SLC1A3: variants seen among roughly 807,000 people sequenced by gnomAD.
SLC1A3 encodes solute carrier family 1 member 3, also known as excitatory amino acid transporter 1.
Under a neutral mutation model 48.1 loss-of-function variants are expected in SLC1A3, and 21 were observed. The observed-to-expected ratio is 0.44, with a 90% confidence interval of 0.31 to 0.63. The LOEUF (loss-of-function observed/expected upper bound fraction) is 0.63, where lower values mean the gene tolerates loss of function less well. Among genes scored for constraint, SLC1A3 ranks in the 20% least tolerant of loss-of-function variants. SLC1A3 has a pLI of 0.08. For synonymous variants in SLC1A3, 239 were observed against 251.4 expected, an observed-to-expected ratio of 0.95 and a Z score of 0.47; for missense variants, 546 against 689.0, an observed-to-expected ratio of 0.79 and a Z score of 2.32.
At position 36,597,233 on chromosome 5, in the gene SLC1A3, C is replaced by CTTTTTTTTTTTT. The variant is rs70976237; in HGVS notation, c.-96+575_-96+586dup. ...CACACCGAAAACTTCTTCTTCCTTTCTTTTTTTTTTTTTTTTTTTTTTTTT... is the reference window on the plus strand; with the variant it reads ...CACACCGAAAACTTCTTCTTCCTTTCTTTTTTTTTTTTTTTTTTTTTTTTTTTTTTTTTTTTT... On this transcript the variant is annotated intron_variant, in intron 1 of 9. Transcript: ENST00000680318. Among the ~76,000 whole-genome samples the CTTTTTTTTTTTT allele has an allele frequency of 1.5e-3, 71 of 46,088 alleles. 19 individuals carry two copies. The highest frequency in any genetic ancestry group is 4.9e-3 in the African/African-American group (51 of 10,458). 30.2% of individuals were successfully genotyped at this position (46,088 alleles called of 152,430 possible).
At chr5:36,672,745 G>A (rs1032734839) in intron 4 of SLC1A3, among the ~76,000 whole-genome samples, 4 of 152,068 alleles carry the variant, frequency 2.6e-5, no homozygotes, top group Non-Finnish European at 4.4e-5. Context: ...TCCTTTTTCA[G>A]GGAGTTAATC....
chr5:36,686,746 G>A lies in SLC1A3; in HGVS notation c.*477G>A, dbSNP rs988856977. The A allele has an allele frequency of 4.0e-6, 1 of 248,388 alleles. No homozygotes were observed. The highest frequency in any genetic ancestry group is 2.3e-5 in the African/African-American group (1 of 42,812). 15.4% of individuals were successfully genotyped at this position (248,388 alleles called of 1,614,324 possible). A position where few individuals can be genotyped will look rare whatever the true frequency, so the allele number is the denominator to read the frequency against. ...GTAAGATTTTATCCCTTTCTCTTCT[G>A]ACTGGTATACCTATTTCATTAGTAG... is the stretch of plus-strand genomic sequence containing the variant. On this transcript the variant is annotated 3_prime_UTR_variant, in exon 10 of 10. Coordinates refer to ENST00000265113, the MANE Select transcript of SLC1A3 (RefSeq NM_004172.5).
At chr5:36,597,233 C>CTTTTTTTTTT (rs70976237) in intron 1 of SLC1A3, among the ~76,000 whole-genome samples, 542 of 46,132 alleles carry the variant, frequency 0.012, 140 homozygotes, top group African/African-American at 0.036. Context: ...TTCTTCCTTT[C>CTTTTTTTTTT]TTTTTTTTTT....
At chr5:36,679,272 C>T (rs1742334160) in intron 6 of SLC1A3, among the ~76,000 whole-genome samples, 1 of 151,480 alleles carries the variant, frequency 6.6e-6, no homozygotes, top group Non-Finnish European at 1.5e-5. Flanking sequence ...AGAAAAGTGA[C>T]CCCCATGTAG....
At chr5:36,683,434 C>T (rs955463935) in intron 8 of SLC1A3, among the ~76,000 whole-genome samples, 2 of 151,736 alleles carry the variant, frequency 1.3e-5, no homozygotes, top group Non-Finnish European at 2.9e-5. Flanking sequence ...ACGGGCCAGG[C>T]ATGATGGCTC....
upstream of SLC1A3, among the ~76,000 whole-genome samples, chr5:36,601,598 T>G (rs147629966): frequency 2.4e-3 from 359 of 152,256 alleles, 2 homozygotes; most frequent in African/African-American, 8.3e-3. Flanking sequence ...CTTGACTTCC[T>G]CATTCATCCT....
intron 3 of SLC1A3, among the ~76,000 whole-genome samples, chr5:36,653,447 C>A (rs532175845): frequency 7.9e-5 from 12 of 152,344 alleles, no homozygotes; most frequent in African/African-American, 2.9e-4. Flanking sequence ...TCTGACAACA[C>A]CACTACTAAA....
chr5:36,604,339 G>GAA (rs5867330), upstream of SLC1A3, among the ~76,000 whole-genome samples: 12 of 150,398 alleles, frequency 8.0e-5, no homozygotes, highest in African/African-American at 2.4e-4. Context: ...TTTCTAGAAG[G>GAA]AAAAAAAAAG....
At chr5:36,641,083 T>G (rs774090753) in intron 3 of SLC1A3, among the ~76,000 whole-genome samples, 81 of 152,252 alleles carry the variant, frequency 5.3e-4, no homozygotes, top group Middle Eastern at 3.4e-3. Flanking sequence ...GGTATAAGCT[T>G]CTGTACCAGT....
intron 3 of SLC1A3, among the ~76,000 whole-genome samples, chr5:36,642,674 A>G (rs1740661960): frequency 1.3e-5 from 2 of 152,018 alleles, no homozygotes; most frequent in East Asian, 3.9e-4. Context: ...CATTTTTATC[A>G]CCCCAGAAAT....
intron 3 of SLC1A3, among the ~76,000 whole-genome samples, chr5:36,646,743 T>C (rs1740855691): frequency 6.6e-6 from 1 of 152,202 alleles, no homozygotes. Flanking sequence ...TAGTTTGCGG[T>C]GTCATATTTG....
chr5:36,632,933 G>T (rs1378905615), intron 3 of SLC1A3, among the ~76,000 whole-genome samples: 1 of 152,190 alleles, frequency 6.6e-6, no homozygotes, highest in Non-Finnish European at 1.5e-5. Flanking sequence ...TCCAGAGGCT[G>T]CCAGAAAGAA....
In SLC1A3 at chr5:36,684,965, A is replaced by G. The variant is rs114130918; in HGVS notation, c.1424+967A>G. ...GCCTACTGTCTGGCCCACAGTCAGC[A>G]TCAGTTAACATGAGCACTCTCATAT... On this transcript the variant is annotated intron_variant, in intron 9 of 9. Transcript: ENST00000265113. Among the ~76,000 whole-genome samples, 836 of 152,336 alleles carry G rather than the reference A, an allele frequency of 5.5e-3. 8 individuals are homozygous for G. The highest frequency in any genetic ancestry group is 0.019 in the African/African-American group (797 of 41,592).
intron 3 of SLC1A3, among the ~76,000 whole-genome samples, chr5:36,651,147 A>G (rs1212227076): frequency 7.1e-6 from 1 of 140,396 alleles, no homozygotes; most frequent in Admixed American, 7.2e-5. Context: ...TTTTTAAAAA[A>G]AAAAAAAAAA....
chr5:36,667,068 G>C (rs909753007), intron 3 of SLC1A3, among the ~76,000 whole-genome samples: 1 of 152,204 alleles, frequency 6.6e-6, no homozygotes, highest in African/African-American at 2.4e-5. Context: ...AAATAGGTTT[G>C]GAGAAATGAT....
chr5:36,650,178 C>G (rs906594782), intron 3 of SLC1A3, among the ~76,000 whole-genome samples: 1 of 152,028 alleles, frequency 6.6e-6, no homozygotes, highest in Non-Finnish European at 1.5e-5. Context: ...TCTACCTTGA[C>G]CTCTAACTCT....
At chr5:36,667,927 T>C (rs936245837) in intron 3 of SLC1A3, 1 of 152,220 alleles carries the variant, frequency 6.6e-6, no homozygotes, top group Admixed American at 6.5e-5. Context: ...GTCAAGATCA[T>C]TATCTTTACC....
intron 2 of SLC1A3, among the ~76,000 whole-genome samples, chr5:36,612,228 GA>G (rs1173327664): frequency 1.3e-5 from 2 of 151,972 alleles, no homozygotes; most frequent in Non-Finnish European, 2.9e-5. Flanking sequence ...GTTTACATTT[GA>G]GTTCTCCTTT....
intron 2 of SLC1A3, chr5:36,608,843 AAAAT>A (rs1739076464): frequency 1.6e-6 from 2 of 1,257,146 alleles, no homozygotes; most frequent in South Asian, 2.7e-5. Flanking sequence ...GTGAGGAAGA[AAAAT>A]AAATAAAATA....
Sources: gnomAD v4.1 joint callset for allele counts (sites outside exome capture counted in the v4.1 genomes callset) on GRCh38, gnomAD v4.1.1 for gene constraint, MANE v1.5 for transcripts, NCBI Gene and HGNC (gene_info 2026-07-23, HGNC 2026-07-21) for gene names.